PIK3C3: variants seen among roughly 807,000 people sequenced by gnomAD.
The protein encoded by PIK3C3 is phosphatidylinositol 3-kinase catalytic subunit type 3, also known as PI3-kinase type 3.
PIK3C3 carries 95 observed loss-of-function variants against 126.1 expected under a neutral mutation model. The ratio of observed to expected loss-of-function variants is 0.75; its 90% CI spans 0.64 to 0.89. The LOEUF is 0.89. Among genes scored for constraint, PIK3C3 ranks in the 40% least tolerant of loss-of-function variants. The pLI, the probability that PIK3C3 is intolerant of heterozygous loss-of-function variation, is 0.00. For missense variants in PIK3C3, 829 were observed against 1,063.2 expected, an observed-to-expected ratio of 0.78 and a Z score of 3.06; for synonymous variants, 374 against 360.0, an observed-to-expected ratio of 1.04 and a Z score of -0.44.
At position 41,964,529 on chromosome 18, in the gene PIK3C3, T is replaced by G. The variant is rs575550944; in HGVS notation, c.401+1897T>G. On this transcript the variant is annotated intron_variant, in intron 3 of 24. Transcript: ENST00000262039. ...GGCCTGATAAATATTATATCATATA[T>G]TTATGTATTGAATAAATATTATAAT... 3.1e-4 allele frequency among the ~76,000 whole-genome samples: 47 copies of G among 152,212 alleles called. 1 individual carries two copies. The highest frequency in any genetic ancestry group is 1.8e-3 in the Admixed American group (28 of 15,292).
intron 9 of PIK3C3, among the ~76,000 whole-genome samples, 162 bp downstream of exon 9, chr18:41,996,892 G>A (rs1050070436): frequency 1.3e-5 from 2 of 152,094 alleles, no homozygotes. Flanking sequence ...ATGAAATTCT[G>A]CATACAAAGA....
intron 11 of PIK3C3, 148 bp from the exon 12 acceptor site, chr18:42,015,328 A>T: frequency 1.6e-6 from 1 of 609,288 alleles, no homozygotes; most frequent in Non-Finnish European, 2.9e-6. Flanking sequence ...TCCAGAGTAC[A>T]ATGTGACTCT....
At position 42,017,805 on chromosome 18, in the gene PIK3C3, A is replaced by G. The variant is rs192261553; in HGVS notation, c.1416+2239A>G. Among the ~76,000 whole-genome samples, 382 of 151,758 alleles carry G rather than the reference A, an allele frequency of 2.5e-3. 1 individual carries two copies. Among genetic ancestry groups the G allele is most frequent in the African/African-American group, 8.9e-3 (370 of 41,434 alleles). On this transcript the variant is annotated intron_variant, in intron 12 of 24. Coordinates refer to ENST00000262039, the MANE Select transcript of PIK3C3 (RefSeq NM_002647.4). ...TTCCTTTGAATTTTTTTGTAGCCTTATATTTTAGGTTTATGTTTATATTTA... is the reference window on the plus strand; with the variant it reads ...TTCCTTTGAATTTTTTTGTAGCCTTGTATTTTAGGTTTATGTTTATATTTA...
intron 24 of PIK3C3, 125 bp downstream of exon 24, chr18:42,067,638 C>A (rs1985599809): frequency 1.0e-6 from 1 of 981,070 alleles, no homozygotes; most frequent in Non-Finnish European, 1.5e-6. Flanking sequence ...GTCGTTTTGA[C>A]ATCTCACCAG....
At chr18:41,965,606 C>T (rs1980318713) in intron 3 of PIK3C3, among the ~76,000 whole-genome samples, 1 of 152,144 alleles carries the variant, frequency 6.6e-6, no homozygotes, top group Non-Finnish European at 1.5e-5. Flanking sequence ...AACAAGCATC[C>T]TGAGTGAGTC....
At chr18:42,055,352 A>G (rs1191451487) in intron 21 of PIK3C3, among the ~76,000 whole-genome samples, 1 of 152,188 alleles carries the variant, frequency 6.6e-6, no homozygotes, top group African/African-American at 2.4e-5. Context: ...GAGTGAAAAT[A>G]CTGCTAACCA....
rs778354842 is a variant in PIK3C3 at position 41,990,468 on chromosome 18, C to T, written c.628C>T (p.Arg210Ter). The T allele has an allele frequency of 1.4e-5, 22 of 1,565,738 alleles. No homozygotes were observed. The highest frequency in any genetic ancestry group is 4.5e-5 in the East Asian group (2 of 44,396). ...TCATTTTTTTTTTCAGAGTGAAAAA[C>T]GAAGTTCTAATTTCATGTACCTGAT... ...EIEMINESEK[R>*]SSNFMYLMVE... The change falls in exon 6 of 25, where the codon CGA becomes TGA. Residue 210 changes from arginine to a stop codon, truncating the protein, a stop_gained. Coordinates refer to ENST00000262039, the MANE Select transcript of PIK3C3 (RefSeq NM_002647.4). LOFTEE classifies it high-confidence loss of function.
chr18:42,059,691 CAG>C (rs1344558586), intron 22 of PIK3C3: 1 of 151,848 alleles, frequency 6.6e-6, no homozygotes, highest in Non-Finnish European at 1.5e-5. Context: ...TAATTTTATG[CAG>C]AGTTTTAATG....
intron 1 of PIK3C3, among the ~76,000 whole-genome samples, chr18:41,956,503 A>G (rs1979779560): frequency 6.6e-6 from 1 of 150,524 alleles, no homozygotes; most frequent in Non-Finnish European, 1.5e-5. Context: ...ATTTTTTGAA[A>G]TGTTTGAACA....
intron 2 of PIK3C3, among the ~76,000 whole-genome samples, chr18:41,958,174 A>G (rs1598842314): frequency 1.3e-5 from 2 of 152,032 alleles, no homozygotes; most frequent in Non-Finnish European, 2.9e-5. Flanking sequence ...TAAAATTTTT[A>G]TTATTATTTT....
intron 15 of PIK3C3, among the ~76,000 whole-genome samples, chr18:42,032,411 C>G (rs914197359): frequency 2.0e-5 from 3 of 152,124 alleles, no homozygotes; most frequent in African/African-American, 4.8e-5. Flanking sequence ...AGCAGGGTAA[C>G]ATGAACTGAC....
intron 3 of PIK3C3, among the ~76,000 whole-genome samples, chr18:41,967,458 C>T (rs748939653): frequency 3.3e-5 from 5 of 152,098 alleles, no homozygotes; most frequent in Non-Finnish European, 7.4e-5. Context: ...GCCTTTTCCC[C>T]TAAAGGGTTC....
chr18:42,013,291 A>G, intron 10 of PIK3C3, 151 bp from the exon 11 acceptor site: 1 of 555,844 alleles, frequency 1.8e-6, no homozygotes, highest in South Asian at 2.5e-5. Flanking sequence ...GGGCACAGAG[A>G]AGTTAAGTAA....
At chr18:41,969,899 A>G (rs1980568330) in intron 3 of PIK3C3, among the ~76,000 whole-genome samples, 1 of 152,210 alleles carries the variant, frequency 6.6e-6, no homozygotes. Context: ...AGGCAGTTTG[A>G]CTATATAGTC....
intron 4 of PIK3C3, among the ~76,000 whole-genome samples, chr18:41,975,935 C>T (rs951226579): frequency 6.6e-6 from 1 of 152,118 alleles, no homozygotes; most frequent in African/African-American, 2.4e-5. Context: ...CTCCTGACCT[C>T]GTGATCTGCC....
rs753245926 is a variant in PIK3C3, at chr18:42,015,487, T to C, written c.1337T>C (p.Ile446Thr). ...NSAEIDSSQIITSPLPSVSSP... is the reference protein window; with the variant it reads ...NSAEIDSSQITTSPLPSVSSP... ...TATTACTTTTTCAGCTCCCAAATTA[T>C]AACCAGCCCCCTTCCTTCAGTCTCT... Residue 446 changes from isoleucine to threonine, a missense_variant, in exon 12 of 25, where the codon ATA (isoleucine) becomes ACA (threonine). Ile to Thr is a moderately conservative substitution (Grantham distance 89). Transcript: ENST00000262039. The C allele has an allele frequency of 6.2e-7, 1 of 1,613,396 alleles. No homozygotes were observed. The highest frequency in any genetic ancestry group is 8.5e-7 in the Non-Finnish European group (1 of 1,179,572).
In PIK3C3 at chr18:41,985,611, AT is replaced by A. The variant is rs1000961033; in HGVS notation, c.532-2197del. On this transcript the variant is annotated intron_variant, in intron 4 of 24. Transcript: ENST00000262039. ...TTAACAGTTCTCACTATTGATGAACATTTTCATTCTTTTGTGTCTAATTTTT... is the reference window on the plus strand; with the variant it reads ...TTAACAGTTCTCACTATTGATGAACATTTCATTCTTTTGTGTCTAATTTTT... 1.2e-3 allele frequency among the ~76,000 whole-genome samples: 185 copies of A among 152,244 alleles called. 2 individuals carry two copies. Among genetic ancestry groups the A allele is most frequent in the African/African-American group, 2.8e-3 (115 of 41,576 alleles).
chr18:41,990,438 G>A, intron 5 of PIK3C3, 21 bp from the exon 6 acceptor site: 1 of 1,363,694 alleles, frequency 7.3e-7, no homozygotes, highest in Non-Finnish European at 1.0e-6. Context: ...CATTTTTCAT[G>A]AAAATCATTT....
At chr18:41,995,178 A>C (rs1568127161) in intron 7 of PIK3C3, among the ~76,000 whole-genome samples, 1 of 152,178 alleles carries the variant, frequency 6.6e-6, no homozygotes, top group Non-Finnish European at 1.5e-5. Flanking sequence ...GAGACCAACA[A>C]AGCCAAAAGA....
Sources: gnomAD v4.1 joint callset for allele counts (sites outside exome capture counted in the v4.1 genomes callset) on GRCh38, gnomAD v4.1.1 for gene constraint, MANE v1.5 for transcripts, NCBI Gene and HGNC (gene_info 2026-07-23, HGNC 2026-07-21) for gene names.